The following ABCC9 variants were observed in gnomAD, a reference collection of about 807,000 sequenced individuals.
ABCC9 encodes the protein ATP-binding cassette sub-family C member 9.
Under a neutral mutation model 188.3 loss-of-function variants are expected in ABCC9, and 95 were observed. The ratio of observed to expected loss-of-function variants is 0.50; its 90% CI spans 0.43 to 0.60. The LOEUF (loss-of-function observed/expected upper bound fraction) is 0.60, where lower values mean the gene tolerates loss of function less well. Ranked by LOEUF, ABCC9 falls within the 20% of genes least tolerant of loss-of-function variation. ABCC9 has a pLI of 0.00. For missense variants in ABCC9, 1,102 were observed against 1,876.3 expected (o/e 0.59, Z 7.62); for synonymous variants, 659 against 652.7 (o/e 1.01, Z -0.15).
chr12:21,864,534 T>C lies in ABCC9; in HGVS notation c.2199-57A>G, dbSNP rs375860876. On this transcript the variant is annotated intron_variant, in intron 18 of 39. Coordinates refer to ENST00000261200, the MANE Select transcript of ABCC9 (RefSeq NM_020297.4). ...ATGAAGTAGAAATATAGAACCAATGTGCATACACGTCAGGTAAGAGATACA... is the reference window on the plus strand; with the variant it reads ...ATGAAGTAGAAATATAGAACCAATGCGCATACACGTCAGGTAAGAGATACA... 385 of 1,188,452 alleles carry C rather than the reference T, an allele frequency of 3.2e-4. 1 individual carries two copies. The highest frequency in any genetic ancestry group is 2.9e-4 in the Non-Finnish European group (233 of 792,604). 73.6% of individuals were successfully genotyped at this position (1,188,452 alleles called of 1,614,324 possible). A position where few individuals can be genotyped will look rare whatever the true frequency, so the allele number is the denominator to read the frequency against.
chr12:21,932,202 A>G (rs947662192), intron 4 of ABCC9, among the ~76,000 whole-genome samples: 25 of 151,646 alleles, frequency 1.6e-4, no homozygotes, highest in African/African-American at 6.0e-4. Context: ...TCACCAGATT[A>G]TGTTCAAGTT....
In ABCC9 at chr12:21,859,410, G is replaced by A. The variant is rs1293688857; in HGVS notation, c.2505+176C>T. ...TGGATCCTCCCAACTCTCAAGATAC[G>A]TTGCTCTTCTACTGATCTACTAATC... On this transcript the variant is annotated intron_variant, in intron 22 of 39. Transcript: ENST00000261200. 3.9e-5 allele frequency among the ~76,000 whole-genome samples: 6 copies of A among 152,194 alleles called. No homozygotes were observed. In the South Asian group the frequency reaches 1.2e-3, roughly 32 times the overall value.
At chr12:21,832,631 G>A (rs959469334) in intron 30 of ABCC9, among the ~76,000 whole-genome samples, 16 of 151,580 alleles carry the variant, frequency 1.1e-4, no homozygotes, top group Admixed American at 1.1e-3. Context: ...AAAAAAAATA[G>A]ATATTGACGT....
intron 16 of ABCC9, among the ~76,000 whole-genome samples, chr12:21,880,051 A>G (rs527269035): frequency 6.6e-6 from 1 of 151,178 alleles, no homozygotes; most frequent in Admixed American, 6.6e-5. Context: ...AGTGATCAAT[A>G]ATACATGGGG....
intron 12 of ABCC9, 133 bp from the exon 13 acceptor site, chr12:21,895,448 G>A (rs1592170338): frequency 1.3e-6 from 1 of 781,002 alleles, no homozygotes; most frequent in Non-Finnish European, 2.2e-6. Flanking sequence ...ATTTTGTCTG[G>A]AGTCCACAAA....
intron 8 of ABCC9, among the ~76,000 whole-genome samples, chr12:21,911,704 G>T (rs1032201084): frequency 1.3e-5 from 2 of 151,892 alleles, no homozygotes; most frequent in African/African-American, 4.8e-5. Flanking sequence ...TCTACTTCTG[G>T]TCCCTTCCTC....
At chr12:21,803,442 G>A (rs1175719161) in intron 39 of ABCC9, among the ~76,000 whole-genome samples, 1 of 151,934 alleles carries the variant, frequency 6.6e-6, no homozygotes, top group Non-Finnish European at 1.5e-5. Context: ...CGGATCACAA[G>A]GTCAGGGGTT....
At position 21,801,175 on chromosome 12, in the gene ABCC9, C is replaced by T. The variant is rs747962000; in HGVS notation, c.4519G>A (p.Val1507Ile). 6.2e-7 allele frequency: 1 copy of T among 1,613,874 alleles called. No individual in the cohort carries two copies. The highest frequency in any genetic ancestry group is 8.5e-7 in the Non-Finnish European group (1 of 1,179,902). Residue 1507 changes from valine to isoleucine, a missense_variant, in exon 40 of 40, where the codon GTA becomes ATA. Val to Ile is a conservative substitution (Grantham distance 29). Around this residue, in one of 12 missense-constraint regions of ABCC9, gnomAD observed 40 missense variants for 105.5 expected, o/e 0.38. Transcript: ENST00000261200. ...AGGTCTGCCGTCAGAATAGTGTGTA[C>T]TCGATGCTGTGAGTGAAAAGAAAAC... ...DRTVVTIAHR[V>I]HTILTADLVI...
rs1022894262 is a variant in ABCC9 at position 21,818,530 on chromosome 12, G to A, written c.3670-279C>T. ...TAACTATATAGATATATATATATGTGTGTGTGTGTGTGTGTGTGTGTGTGT... is the reference window on the plus strand; with the variant it reads ...TAACTATATAGATATATATATATGTATGTGTGTGTGTGTGTGTGTGTGTGT... On this transcript the variant is annotated intron_variant, in intron 31 of 39. Coordinates refer to ENST00000261200, the MANE Select transcript of ABCC9 (RefSeq NM_020297.4). 2.2e-3 allele frequency among the ~76,000 whole-genome samples: 208 copies of A among 92,900 alleles called. 1 individual carries two copies. The highest frequency in any genetic ancestry group is 2.7e-3 in the Non-Finnish European group (114 of 41,624). 60.9% of individuals were successfully genotyped at this position (92,900 alleles called of 152,430 possible).
intron 31 of ABCC9, chr12:21,828,335 A>G (rs1315659984): frequency 1.3e-5 from 2 of 155,376 alleles, no homozygotes; most frequent in African/African-American, 2.4e-5. Context: ...CATTTCTTGA[A>G]TGCATTTGCC....
At chr12:21,838,402 T>C (rs532985141) in intron 29 of ABCC9, among the ~76,000 whole-genome samples, 24 of 152,322 alleles carry the variant, frequency 1.6e-4, no homozygotes, top group Admixed American at 6.5e-4. Context: ...TGTACAAAAC[T>C]ATCATCTCTG....
intron 20 of ABCC9, 38 bp downstream of exon 20, chr12:21,862,915 T>G (rs749601932): frequency 3.8e-6 from 5 of 1,302,300 alleles, no homozygotes; most frequent in Non-Finnish European, 5.6e-6. Context: ...CAGAAAGAGT[T>G]GCCATTTTGG....
intron 33 of ABCC9, among the ~76,000 whole-genome samples, chr12:21,816,140 C>T (rs898631951): frequency 3.7e-4 from 38 of 103,424 alleles, no homozygotes; most frequent in African/African-American, 1.2e-3. Flanking sequence ...CAGTTTTTTT[C>T]GTGTTTGTTT....
At chr12:21,856,525 T>C (rs1945234171) in intron 22 of ABCC9, among the ~76,000 whole-genome samples, 1 of 152,132 alleles carries the variant, frequency 6.6e-6, no homozygotes, top group Non-Finnish European at 1.5e-5. Context: ...TTTTGATACA[T>C]AATTAAGACA....
intron 24 of ABCC9, 56 bp from the exon 25 acceptor site, chr12:21,848,302 A>G: frequency 1.4e-6 from 2 of 1,448,652 alleles, no homozygotes; most frequent in South Asian, 1.1e-5. Context: ...GTTGTGACTT[A>G]TCAATGAATG....
At chr12:21,837,829 C>T (rs1189143888) in intron 30 of ABCC9, among the ~76,000 whole-genome samples, 1 of 152,136 alleles carries the variant, frequency 6.6e-6, no homozygotes, top group Non-Finnish European at 1.5e-5. Context: ...ATTCAGATGC[C>T]TTATCCTAGT....
chr12:21,831,599 A>G (rs975785190), intron 30 of ABCC9, among the ~76,000 whole-genome samples: 3 of 152,182 alleles, frequency 2.0e-5, no homozygotes, highest in African/African-American at 7.2e-5. Context: ...TCAGCACGGT[A>G]GGAAATGGAG....
intron 18 of ABCC9, among the ~76,000 whole-genome samples, chr12:21,871,403 T>C (rs1366852377): frequency 6.6e-6 from 1 of 152,218 alleles, no homozygotes; most frequent in Non-Finnish European, 1.5e-5. Flanking sequence ...GGATAAAATG[T>C]ACACTCAACA....
chr12:21,891,094 A>C (rs2137716467), intron 14 of ABCC9, among the ~76,000 whole-genome samples: 1 of 152,246 alleles, frequency 6.6e-6, no homozygotes, highest in South Asian at 2.1e-4. Flanking sequence ...ACCATAACCC[A>C]CCATACAGTA....
Sources: gnomAD v4.1 joint callset for allele counts (sites outside exome capture counted in the v4.1 genomes callset) on GRCh38, gnomAD v4.1.1 for gene constraint, gnomAD v4.1.1 regional missense constraint, MANE v1.5 for transcripts, NCBI Gene and HGNC (gene_info 2026-07-23, HGNC 2026-07-21) for gene names.